The following PXDC1 variants were observed in gnomAD, a reference collection of about 807,000 sequenced individuals.
PXDC1 encodes the protein PX domain containing 1.
A neutral mutation model predicts 24.4 loss-of-function variants in PXDC1; 13 were observed. That is an observed-to-expected ratio of 0.53 (90% CI 0.35 to 0.85). The LOEUF is 0.85. Ranked by LOEUF, PXDC1 falls within the 40% of genes least tolerant of loss-of-function variation. The pLI, the probability that PXDC1 is intolerant of heterozygous loss-of-function variation, is 0.01. For synonymous variants in PXDC1, 162 were observed against 124.9 expected (o/e 1.30, Z -1.98); for missense variants, 344 against 309.3 (o/e 1.11, Z -0.84).
At position 3,751,677 on chromosome 6, in the gene PXDC1, C is replaced by T; in HGVS notation, c.-146G>A. ...GTCACTCCAAGGAGGCTGCGTATGG[C>T]CCGCGTTCGGGGCAGCGGGGCGGCG... On this transcript the variant is annotated 5_prime_UTR_variant, in exon 1 of 5. Coordinates refer to ENST00000380283, the MANE Select transcript of PXDC1 (RefSeq NM_183373.4). 1.7e-6 allele frequency: 2 copies of T among 1,211,140 alleles called. No individual in the cohort carries two copies. Among genetic ancestry groups the T allele is most frequent in the Non-Finnish European group, 1.0e-6 (1 of 962,518 alleles). 75.0% of individuals were successfully genotyped at this position (1,211,140 alleles called of 1,614,324 possible).
intron 3 of PXDC1, among the ~76,000 whole-genome samples, chr6:3,731,518 T>C (rs1472490370): frequency 6.6e-6 from 1 of 152,222 alleles, no homozygotes; most frequent in African/African-American, 2.4e-5. Context: ...TTTACACTCA[T>C]ATTTTTCCAA....
In PXDC1 at chr6:3,737,778, G is replaced by A. The variant is rs1561735771; in HGVS notation, c.348+279C>T. ...GGCCTCCTGCAGCCAGAGGGGATCC[G>A]CACCCTTCCACCCATGCCTCCTTGC... On this transcript the variant is annotated intron_variant, in intron 2 of 4. Transcript: ENST00000380283. This position sits in a 1 kb window ranked among gnomAD's most constrained non-coding sequence, Gnocchi z 5.5. 7 of 710,108 alleles carry A rather than the reference G, an allele frequency of 9.9e-6. No homozygotes were observed. The highest frequency in any genetic ancestry group is 5.8e-5 in the African/African-American group (3 of 51,894). 44.0% of individuals were successfully genotyped at this position (710,108 alleles called of 1,614,324 possible).
intron 1 of PXDC1, among the ~76,000 whole-genome samples, chr6:3,741,688 G>A (rs183278618): frequency 1.4e-4 from 22 of 152,324 alleles, no homozygotes; most frequent in Admixed American, 1.2e-3. Flanking sequence ...TGCTCCAGCT[G>A]CTACCACCAG....
rs1034133414 is a variant in PXDC1, at chr6:3,724,874, G to A, written c.579-1138C>T. Among the ~76,000 whole-genome samples the A allele has an allele frequency of 8.5e-5, 13 of 152,220 alleles. No individual in the cohort carries two copies. The highest frequency in any genetic ancestry group is 1.9e-4 in the Non-Finnish European group (13 of 68,034). On this transcript the variant is annotated intron_variant, in intron 4 of 4. Coordinates refer to ENST00000380283, the MANE Select transcript of PXDC1 (RefSeq NM_183373.4). The surrounding 1 kb of genome is among the most constrained non-coding windows in gnomAD (Gnocchi z 4.5). The stretch of plus-strand genomic sequence containing the variant: ...CTCAAGGGACAGGGCTGTGAAGACA[G>A]CTTTAAGGCATTTGGATAAGAAAGG...
At position 3,725,165 on chromosome 6, in the gene PXDC1, G is replaced by A. The variant is rs952762344; in HGVS notation, c.579-1429C>T. The stretch of plus-strand genomic sequence containing the variant: ...CCCAAGGGGGAACCTTGGGCGTGCC[G>A]AAAGGTTCAAGCCAGTCGAGGGACA... On this transcript the variant is annotated intron_variant, in intron 4 of 4. Coordinates refer to ENST00000380283, the MANE Select transcript of PXDC1 (RefSeq NM_183373.4). This position sits in a 1 kb window ranked among gnomAD's most constrained non-coding sequence, Gnocchi z 4.8. Among the ~76,000 whole-genome samples the A allele has an allele frequency of 3.3e-5, 5 of 152,128 alleles. No individual in the cohort carries two copies. Among genetic ancestry groups the A allele is most frequent in the African/African-American group, 7.2e-5 (3 of 41,430 alleles).
At chr6:3,730,515 TA>T (rs201115871) in intron 3 of PXDC1, among the ~76,000 whole-genome samples, 549 of 143,444 alleles carry the variant, frequency 3.8e-3, no homozygotes, top group Middle Eastern at 3.6e-3. Flanking sequence ...GTCCACAGTT[TA>T]AAAAAAAAAA....
intron 1 of PXDC1, among the ~76,000 whole-genome samples, chr6:3,748,901 T>C (rs945575517): frequency 9.2e-5 from 14 of 152,238 alleles, no homozygotes; most frequent in African/African-American, 3.4e-4. Context: ...AGCACACACA[T>C]CTGGCTGCCT....
Position 3,723,752 on chromosome 6 carries a change from C to G in PXDC1, c.579-16G>C. The G allele has an allele frequency of 6.2e-7, 1 of 1,603,044 alleles. No individual in the cohort carries two copies. On this transcript the variant is annotated splice_polypyrimidine_tract_variant and intron_variant, in intron 4 of 4. Transcript: ENST00000380283. ...ATTCTCAAATCTGAAATTAGAGAAA[C>G]CAGAGGTGAGGGGTGGCTCATTGTT... is the stretch of plus-strand genomic sequence containing the variant.
chr6:3,724,019 C>A lies in PXDC1; in HGVS notation c.579-283G>T, dbSNP rs1464567996. 6.6e-6 allele frequency among the ~76,000 whole-genome samples: 1 copy of A among 152,190 alleles called. No individual in the cohort carries two copies. Among genetic ancestry groups the A allele is most frequent in the Non-Finnish European group, 1.5e-5 (1 of 68,040 alleles). On this transcript the variant is annotated intron_variant, in intron 4 of 4. Transcript: ENST00000380283. This position sits in a 1 kb window ranked among gnomAD's most constrained non-coding sequence, Gnocchi z 4.5. ...TGATTTTCACCTCTTGTTCTGTGCC[C>A]AGCACCGCGTCAGGCTGTGGGATCA...
chr6:3,726,404 G>C (rs1000215018), intron 4 of PXDC1, among the ~76,000 whole-genome samples: 1 of 152,236 alleles, frequency 6.6e-6, no homozygotes, highest in Admixed American at 6.5e-5. Context: ...GGAAAGCTGC[G>C]GCCTTGGCCC....
chr6:3,729,167 A>G (rs1202601724), intron 3 of PXDC1, among the ~76,000 whole-genome samples: 1 of 151,892 alleles, frequency 6.6e-6, no homozygotes, highest in Non-Finnish European at 1.5e-5. Context: ...ACACCTTACC[A>G]CAATTTAGCC....
At chr6:3,732,484 T>C (rs1760221544) in intron 3 of PXDC1, among the ~76,000 whole-genome samples, 1 of 152,240 alleles carries the variant, frequency 6.6e-6, no homozygotes. Flanking sequence ...GTGGCTGAGA[T>C]TGATGAGTCC....
intron 1 of PXDC1, among the ~76,000 whole-genome samples, chr6:3,743,495 T>C (rs1340329549): frequency 6.6e-6 from 1 of 152,068 alleles, no homozygotes; most frequent in Non-Finnish European, 1.5e-5. Context: ...AGACACACAT[T>C]CTTTAAAGGT....
intron 4 of PXDC1, among the ~76,000 whole-genome samples, chr6:3,726,734 C>T (rs559069070): frequency 6.6e-6 from 1 of 152,210 alleles, no homozygotes; most frequent in East Asian, 1.9e-4. Flanking sequence ...GGGCAAGACC[C>T]GGGCCATCCC....
intron 1 of PXDC1, among the ~76,000 whole-genome samples, chr6:3,744,784 G>A (rs115594530): frequency 0.015 from 2,254 of 152,320 alleles, 24 homozygotes; most frequent in Non-Finnish European, 0.026. Context: ...TGCAAGCTCC[G>A]CTTCCAGGGT....
rs1164988331 is a variant in PXDC1, at chr6:3,727,772, C to T, written c.467-110G>A. On this transcript the variant is annotated intron_variant, in intron 3 of 4. Coordinates refer to ENST00000380283, the MANE Select transcript of PXDC1 (RefSeq NM_183373.4). ...CTTTCTCCTCCACCTGTTGCCCGTGCCTCTCTTCCACACCGTAAGAGAATG... is the reference window on the plus strand; with the variant it reads ...CTTTCTCCTCCACCTGTTGCCCGTGTCTCTCTTCCACACCGTAAGAGAATG... The T allele has an allele frequency of 5.7e-6, 4 of 706,670 alleles. No individual in the cohort carries two copies. In the African/African-American group the frequency reaches 7.0e-5, roughly 12 times the overall value. The allele number at this position is 706,670 out of a possible 1,614,324, so 43.8% of individuals were successfully genotyped here.
At position 3,723,444 on chromosome 6, in the gene PXDC1, T is replaced by G; in HGVS notation, c.*175A>C. 1 of 644,878 alleles carries G rather than the reference T, an allele frequency of 1.6e-6. No homozygotes were observed. The highest frequency in any genetic ancestry group is 2.8e-6 in the Non-Finnish European group (1 of 357,928). The allele number at this position is 644,878 out of a possible 1,614,324, so 39.9% of individuals were successfully genotyped here. ...AGACTCTGCGGTCAGCCTGGCCCAC[T>G]AGGAGCCCCTGCTGCTCCACTTGCA... On this transcript the variant is annotated 3_prime_UTR_variant, in exon 5 of 5. Coordinates refer to ENST00000380283, the MANE Select transcript of PXDC1 (RefSeq NM_183373.4).
chr6:3,736,383 C>G (rs1425531311), intron 3 of PXDC1, among the ~76,000 whole-genome samples: 1 of 152,176 alleles, frequency 6.6e-6, no homozygotes, highest in African/African-American at 2.4e-5. Context: ...CCCTCCCTGT[C>G]CACCAGGCAA....
intron 1 of PXDC1, chr6:3,738,843 G>A: frequency 7.7e-7 from 1 of 1,303,334 alleles, no homozygotes; most frequent in Non-Finnish European, 1.0e-6. Flanking sequence ...CTCCCCATGA[G>A]AAGCGCAGAG....
Sources: gnomAD v4.1 joint callset for allele counts (sites outside exome capture counted in the v4.1 genomes callset) on GRCh38, gnomAD v4.1.1 for gene constraint, Gnocchi (gnomAD v3.1) non-coding constraint, MANE v1.5 for transcripts, NCBI Gene and HGNC (gene_info 2026-07-23, HGNC 2026-07-21) for gene names.